Variants in ASIC2 observed in about 807,000 individuals in gnomAD.
The protein encoded by ASIC2 is acid sensing ion channel subunit 2, also known as acid-sensing ion channel 2.
A neutral mutation model predicts 57.3 loss-of-function variants in ASIC2; 25 were observed. The observed-to-expected ratio is 0.44, with a 90% CI of 0.32 to 0.61. The LOEUF is 0.61. Among genes scored for constraint, ASIC2 ranks in the 20% least tolerant of loss-of-function variants. ASIC2 has a pLI of 0.06. For missense variants in ASIC2, 641 were observed against 738.1 expected, an observed-to-expected ratio of 0.87 and a Z score of 1.52; for synonymous variants, 319 against 307.5, an observed-to-expected ratio of 1.04 and a Z score of -0.39.
At chr17:33,755,349 C>A (rs1026353202) in intron 1 of ASIC2, among the ~76,000 whole-genome samples, 2 of 152,330 alleles carry the variant, frequency 1.3e-5, no homozygotes, top group Middle Eastern at 3.4e-3. Context: ...ACGTCTAGAG[C>A]CATAAGACCC....
At chr17:33,498,511 G>A (rs1264156485) in intron 1 of ASIC2, among the ~76,000 whole-genome samples, 1 of 152,192 alleles carries the variant, frequency 6.6e-6, no homozygotes, top group African/African-American at 2.4e-5. Context: ...CTGGGTGAGG[G>A]AAGAGCAGGG....
At chr17:33,314,215 G>C (rs567323784) in intron 1 of ASIC2, among the ~76,000 whole-genome samples, 1 of 152,300 alleles carries the variant, frequency 6.6e-6, no homozygotes, top group South Asian at 2.1e-4. Flanking sequence ...AAAGGCTGCA[G>C]GGAGGATTAA....
chr17:33,926,167 T>G (rs1915817901), intron 1 of ASIC2, among the ~76,000 whole-genome samples: 1 of 152,186 alleles, frequency 6.6e-6, no homozygotes. Flanking sequence ...TACTGTTATT[T>G]AATTCAATTG....
chr17:33,554,179 G>A (rs1476763453), intron 1 of ASIC2, among the ~76,000 whole-genome samples: 1 of 152,210 alleles, frequency 6.6e-6, no homozygotes, highest in African/African-American at 2.4e-5. Context: ...TCCTATGAGT[G>A]AAATTGTTCT....
intron 1 of ASIC2, among the ~76,000 whole-genome samples, chr17:33,269,028 T>G (rs1392203748): frequency 6.6e-6 from 1 of 152,172 alleles, no homozygotes; most frequent in Non-Finnish European, 1.5e-5. Flanking sequence ...AGCACTACAT[T>G]TAATGAGCAT....
chr17:33,846,342 A>C (rs7214268), intron 1 of ASIC2, among the ~76,000 whole-genome samples: 3,835 of 152,196 alleles, frequency 0.025, 182 homozygotes, highest in African/African-American at 0.088. Context: ...TCTCTATCAA[A>C]GGCCAATAGC....
intron 1 of ASIC2, among the ~76,000 whole-genome samples, chr17:33,772,307 G>A (rs769090050): frequency 6.6e-6 from 1 of 152,188 alleles, no homozygotes; most frequent in Admixed American, 6.5e-5. Context: ...CAGCCTTGCT[G>A]GGTTTTCCTA....
At chr17:33,936,824 T>G (rs1916075317) in intron 1 of ASIC2, 1 of 152,258 alleles carries the variant, frequency 6.6e-6, no homozygotes, top group South Asian at 2.1e-4. Context: ...CCATGTGACC[T>G]GAAGAGACAA....
chr17:33,798,143 C>T (rs10512456), intron 1 of ASIC2, among the ~76,000 whole-genome samples: 19,364 of 151,318 alleles, frequency 0.13, 1,294 homozygotes, highest in East Asian at 0.19. Context: ...AAAGGACTAG[C>T]GAGATGAGGA....
At chr17:33,473,088 C>G (rs898779271) in intron 1 of ASIC2, among the ~76,000 whole-genome samples, 1 of 152,192 alleles carries the variant, frequency 6.6e-6, no homozygotes, top group African/African-American at 2.4e-5. Flanking sequence ...ATCTTGCTGC[C>G]TGTTTACTTT....
At chr17:33,486,674 C>A (rs1447713954) in intron 1 of ASIC2, among the ~76,000 whole-genome samples, 1 of 152,172 alleles carries the variant, frequency 6.6e-6, no homozygotes, top group Non-Finnish European at 1.5e-5. Context: ...TATCACAGGG[C>A]CTGAGGAGAC....
At chr17:33,464,542 C>T (rs868569495) in intron 1 of ASIC2, among the ~76,000 whole-genome samples, 7 of 71,858 alleles carry the variant, frequency 9.7e-5, no homozygotes, top group East Asian at 8.5e-4. Flanking sequence ...CTTTCTTTCT[C>T]TTTCTTTCTT....
Position 33,396,429 on chromosome 17 carries a change from C to T in ASIC2, c.556-284362G>A, listed in dbSNP as rs371144341. On this transcript the variant is annotated intron_variant, in intron 1 of 9. Coordinates refer to the ASIC2 transcript ENST00000359872. ...TTATCTCACTCAACCTTTATAAGAA[C>T]GCATGAAATGAAGTATTATGATTAT... Among the ~76,000 whole-genome samples the T allele has an allele frequency of 2.5e-4, 38 of 152,270 alleles. No individual in the cohort carries two copies. The East Asian group carries it at 5.0e-3, about 20-fold the overall frequency.
At chr17:33,137,795 C>T (rs1039498652) in intron 1 of ASIC2, among the ~76,000 whole-genome samples, 2 of 152,208 alleles carry the variant, frequency 1.3e-5, no homozygotes, top group East Asian at 3.8e-4. Context: ...AAAGCATCTG[C>T]TGCAAGTTCC....
chr17:33,686,942 A>T (rs1203360941), intron 1 of ASIC2, among the ~76,000 whole-genome samples: 1 of 152,174 alleles, frequency 6.6e-6, no homozygotes, highest in Admixed American at 6.5e-5. Flanking sequence ...ACCTAAATGC[A>T]GTCTAGCCAA....
At chr17:33,805,726 C>T (rs1180002777) in intron 1 of ASIC2, among the ~76,000 whole-genome samples, 1 of 152,168 alleles carries the variant, frequency 6.6e-6, no homozygotes, top group African/African-American at 2.4e-5. Context: ...TCACGATGGA[C>T]ATTAGCATAT....
intron 1 of ASIC2, among the ~76,000 whole-genome samples, chr17:33,843,120 G>A (rs76859826): frequency 2.0e-5 from 3 of 152,174 alleles, no homozygotes; most frequent in East Asian, 3.8e-4. Flanking sequence ...ATCATTGCAC[G>A]TGCCATTTGC....
chr17:33,680,054 G>A (rs578078552), intron 1 of ASIC2, among the ~76,000 whole-genome samples: 61 of 152,196 alleles, frequency 4.0e-4, no homozygotes, highest in African/African-American at 1.3e-3. Flanking sequence ...ATTGATGGGG[G>A]ACCTTTGACG....
chr17:33,543,203 G>A (rs1038012757), intron 1 of ASIC2, among the ~76,000 whole-genome samples: 4 of 150,628 alleles, frequency 2.7e-5, no homozygotes, highest in African/African-American at 9.9e-5. Flanking sequence ...GAGTTAGTGG[G>A]TGCAGTGCAC....
Sources: allele counts gnomAD v4.1 joint callset (sites outside exome capture counted in the v4.1 genomes callset), GRCh38; gene constraint gnomAD v4.1.1; transcripts MANE v1.5; gene names NCBI Gene and HGNC (gene_info 2026-07-23, HGNC 2026-07-21).